BHMT: variants seen among roughly 807,000 people sequenced by gnomAD.
BHMT encodes the protein betaine--homocysteine S-methyltransferase 1.
In BHMT, 38 loss-of-function variants were observed where a neutral mutation model predicts 49.5. The ratio of observed to expected loss-of-function variants is 0.77; its 90% confidence interval spans 0.59 to 1.01. The LOEUF is 1.01. Among genes scored for constraint, BHMT ranks in the 50% least tolerant of loss-of-function variants. The probability of loss-of-function intolerance (pLI) is 0.00; values close to 1 mark genes in which losing one functional copy is unlikely to be tolerated. For synonymous variants in BHMT, 166 were observed against 176.3 expected (o/e 0.94, Z 0.46); for missense variants, 426 against 495.7 (o/e 0.86, Z 1.34).
intron 5 of BHMT, 122 bp from the exon 6 acceptor site, chr5:79,125,924 C>G (rs1447999729): frequency 4.8e-5 from 48 of 999,094 alleles, no homozygotes; most frequent in Non-Finnish European, 6.7e-5. Flanking sequence ...GCCTGGGCAA[C>G]AGAGTGAGAT....
chr5:79,115,375 G>T (rs1279584868), intron 1 of BHMT, among the ~76,000 whole-genome samples: 1 of 122,776 alleles, frequency 8.1e-6, no homozygotes, highest in African/African-American at 2.5e-5. Context: ...TCTTTAGTTT[G>T]TTGATAGAGT....
At chr5:79,122,834 G>A (rs1380714390) in intron 5 of BHMT, among the ~76,000 whole-genome samples, 1 of 152,102 alleles carries the variant, frequency 6.6e-6, no homozygotes, top group African/African-American at 2.4e-5. Context: ...CAAATCTGGA[G>A]CCCAATGGGA....
Position 79,131,203 on chromosome 5 carries a change from T to G in BHMT, c.*87T>G. 7.7e-7 allele frequency: 1 copy of G among 1,298,558 alleles called. No individual in the cohort carries two copies. Among genetic ancestry groups the G allele is most frequent in the Non-Finnish European group, 1.1e-6 (1 of 934,148 alleles). The allele number at this position is 1,298,558 out of a possible 1,614,324, so 80.4% of individuals were successfully genotyped here. A position where few individuals can be genotyped will look rare whatever the true frequency, so the allele number is the denominator to read the frequency against. On this transcript the variant is annotated 3_prime_UTR_variant, in exon 8 of 8. Coordinates refer to ENST00000274353, the MANE Select transcript of BHMT (RefSeq NM_001713.3). ...GGAAAAGGGGGTTAAAAAGCAGTGC[T>G]TTCATGAATGCCATCCTACACATAT...
chr5:79,125,606 T>G lies in BHMT; in HGVS notation c.626-440T>G, dbSNP rs111296572. ...TCAAAGGTAAGAGGTTTGTGGGGAA[T>G]GAGGACCTAATGCTATGCTTCCAGT... is the stretch of plus-strand genomic sequence containing the variant. On this transcript the variant is annotated intron_variant, in intron 5 of 7. Transcript: ENST00000274353. Among the ~76,000 whole-genome samples the G allele has an allele frequency of 7.2e-5, 11 of 152,210 alleles. 3 individuals carry two copies. The highest frequency in any genetic ancestry group is 2.6e-4 in the African/African-American group (11 of 41,544).
intron 7 of BHMT, chr5:79,128,309 T>C (rs985258979): frequency 9.6e-6 from 2 of 207,828 alleles, no homozygotes; most frequent in South Asian, 9.9e-5. Context: ...TTACTTGATC[T>C]CGGGAGTTTG....
intron 5 of BHMT, among the ~76,000 whole-genome samples, chr5:79,122,132 C>T (rs1220250040): frequency 6.6e-6 from 1 of 151,838 alleles, no homozygotes; most frequent in African/African-American, 2.4e-5. Flanking sequence ...TTAGTAGAGA[C>T]GGGGTTTCAC....
Position 79,131,253 on chromosome 5 carries a change from G to T in BHMT, c.*137G>T. On this transcript the variant is annotated 3_prime_UTR_variant, in exon 8 of 8. Transcript: ENST00000274353. Reference sequence around the variant, plus strand: ...TTATTGCTATTACCTGAACAAAATAGAATTACAAATAGCACTTGATAATTT... The same window carrying T: ...TTATTGCTATTACCTGAACAAAATATAATTACAAATAGCACTTGATAATTT... The T allele has an allele frequency of 2.4e-6, 2 of 816,982 alleles. No homozygotes were observed. Among genetic ancestry groups the T allele is most frequent in the Non-Finnish European group, 1.8e-6 (1 of 551,810 alleles). 50.6% of individuals were successfully genotyped at this position (816,982 alleles called of 1,614,324 possible).
chr5:79,112,149 A>C lies in BHMT; in HGVS notation c.33+231A>C, dbSNP rs532703399. Among the ~76,000 whole-genome samples, 5 of 152,022 alleles carry C rather than the reference A, an allele frequency of 3.3e-5. No homozygotes were observed. The South Asian group carries it at 1.0e-3, about 32-fold the overall frequency. ...CCCCACGTTCAGAGCGCGCCCCCAG[A>C]GCGCCTCTGTCCCCTCCAGCCCCAG... On this transcript the variant is annotated intron_variant, in intron 1 of 7. Coordinates refer to ENST00000274353, the MANE Select transcript of BHMT (RefSeq NM_001713.3).
At chr5:79,127,608 C>A in intron 6 of BHMT, 147 bp from the exon 7 acceptor site, 1 of 1,160,676 alleles carries the variant, frequency 8.6e-7, no homozygotes, top group Non-Finnish European at 1.2e-6. Context: ...GAACATACAA[C>A]ACAAAGTAGC....
At chr5:79,120,217 A>C (rs1756445580) in intron 3 of BHMT, 133 bp from the exon 4 acceptor site, 2 of 869,514 alleles carry the variant, frequency 2.3e-6, no homozygotes, top group East Asian at 2.8e-5. Context: ...AAAGCTTTGA[A>C]CTATTCCATA....
intron 4 of BHMT, 57 bp from the exon 5 acceptor site, chr5:79,121,161 A>G: frequency 6.3e-7 from 1 of 1,584,964 alleles, no homozygotes; most frequent in South Asian, 1.1e-5. Context: ...AAAAAAAAAA[A>G]AAAAATTGTT....
intron 1 of BHMT, among the ~76,000 whole-genome samples, chr5:79,113,131 T>C (rs1258212018): frequency 6.6e-6 from 1 of 152,150 alleles, no homozygotes; most frequent in African/African-American, 2.4e-5. Context: ...GTCAATTCGG[T>C]TACAGATTCT....
At chr5:79,119,000 A>AC in intron 2 of BHMT, among the ~76,000 whole-genome samples, 1 of 152,344 alleles carries the variant, frequency 6.6e-6, no homozygotes, top group Middle Eastern at 3.4e-3. Flanking sequence ...TCAATGAATG[A>AC]TAAACAAAAT....
chr5:79,118,296 C>T (rs1756417300), intron 2 of BHMT, among the ~76,000 whole-genome samples: 1 of 151,926 alleles, frequency 6.6e-6, no homozygotes, highest in Non-Finnish European at 1.5e-5. Flanking sequence ...CGAAACCCTG[C>T]CTCTACTAAA....
intron 2 of BHMT, among the ~76,000 whole-genome samples, chr5:79,117,489 C>A (rs1756403344): frequency 6.6e-6 from 1 of 152,152 alleles, no homozygotes; most frequent in African/African-American, 2.4e-5. Context: ...CCACTGAGAA[C>A]TTTCTATGAT....
At chr5:79,120,689 C>A in intron 4 of BHMT, 148 bp downstream of exon 4, 1 of 757,696 alleles carries the variant, frequency 1.3e-6, no homozygotes, top group Non-Finnish European at 1.9e-6. Context: ...CAATTCAGGG[C>A]TACTACTAAA....
In BHMT at chr5:79,121,307, A is replaced by G. The variant is rs775154420; in HGVS notation, c.567A>G (p.Pro189=). Residue 189 remains proline (P), a synonymous_variant, in exon 5 of 8, where the codon CCA becomes CCG. Transcript: ENST00000274353. The part of the protein sequence containing the change: ...KPVAATMCIG[P]EGDLHGVPPG... The stretch of plus-strand genomic sequence containing the variant: ...TGGCAGCAACCATGTGCATTGGCCC[A>G]GAAGGAGATTTGCATGGCGTGCCCC... The G allele has an allele frequency of 6.2e-7, 1 of 1,614,112 alleles. No homozygotes were observed. The highest frequency in any genetic ancestry group is 8.5e-7 in the Non-Finnish European group (1 of 1,180,032).
At chr5:79,124,686 C>T (rs181130076) in intron 5 of BHMT, among the ~76,000 whole-genome samples, 15 of 152,252 alleles carry the variant, frequency 9.9e-5, no homozygotes, top group African/African-American at 3.1e-4. Context: ...ATATCTAAAA[C>T]ATAGTTTGTT....
chr5:79,120,750 T>A (rs1194122737), intron 4 of BHMT, among the ~76,000 whole-genome samples: 1 of 152,236 alleles, frequency 6.6e-6, no homozygotes, highest in East Asian at 1.9e-4. Context: ...TGACTGCAAT[T>A]TACAGTAAGA....
Sources: allele counts gnomAD v4.1 joint callset (sites outside exome capture counted in the v4.1 genomes callset), GRCh38; gene constraint gnomAD v4.1.1; transcripts MANE v1.5; gene names NCBI Gene and HGNC (gene_info 2026-07-23, HGNC 2026-07-21).